Variants in BEST3 observed in about 807,000 individuals in gnomAD.
The protein encoded by BEST3 is bestrophin 3.
BEST3 carries 50 observed loss-of-function variants against 47.1 expected under a neutral mutation model. The ratio of observed to expected loss-of-function variants is 1.06; its 90% CI spans 0.85 to 1.34. The LOEUF (loss-of-function observed/expected upper bound fraction) is 1.34. Among genes scored for constraint, BEST3 ranks in the 40% most tolerant of loss-of-function variants. BEST3 has a pLI of 0.00. For synonymous variants in BEST3, 282 were observed against 298.8 expected, an observed-to-expected ratio of 0.94 and a Z score of 0.58; for missense variants, 765 against 817.0, an observed-to-expected ratio of 0.94 and a Z score of 0.78.
rs1032884613 is a variant in BEST3 at position 69,654,889 on chromosome 12, C to G, written c.*18G>C. Reference sequence around the variant, plus strand: ...GTAAGAATCTAGGCTAGAACCAGGTCCTAGAACTTGGTGGCACTCATTTGG... The same window carrying G: ...GTAAGAATCTAGGCTAGAACCAGGTGCTAGAACTTGGTGGCACTCATTTGG... On this transcript the variant is annotated 3_prime_UTR_variant, in exon 10 of 10. Coordinates refer to ENST00000330891, the MANE Select transcript of BEST3 (RefSeq NM_032735.3). 3.6e-5 allele frequency: 58 copies of G among 1,598,526 alleles called. No individual in the cohort carries two copies. Among genetic ancestry groups the G allele is most frequent in the Non-Finnish European group, 4.9e-5 (57 of 1,170,976 alleles).
At chr12:69,651,644 G>C (rs575732505), downstream of BEST3, among the ~76,000 whole-genome samples, 2 of 151,820 alleles carry the variant, frequency 1.3e-5, no homozygotes, top group African/African-American at 4.8e-5. Context: ...GTGTGATGGC[G>C]GGTCCCTGTA....
At chr12:69,685,681 C>T (rs1053365510) in intron 4 of BEST3, among the ~76,000 whole-genome samples, 4 of 152,216 alleles carry the variant, frequency 2.6e-5, no homozygotes, top group South Asian at 2.1e-4. Context: ...TTCTAGGGAG[C>T]CTGTTTAAAA....
chr12:69,665,764 T>C (rs927799865), intron 9 of BEST3, among the ~76,000 whole-genome samples: 2 of 152,216 alleles, frequency 1.3e-5, no homozygotes, highest in Non-Finnish European at 2.9e-5. Context: ...ATTTACCCCA[T>C]CAATTCAGAC....
In BEST3 at chr12:69,653,985, T is replaced by A; in HGVS notation, c.*922A>T. The A allele has an allele frequency of 1.0e-6, 1 of 985,452 alleles. No homozygotes were observed. The highest frequency in any genetic ancestry group is 1.2e-6 in the Non-Finnish European group (1 of 829,936). 61.0% of individuals were successfully genotyped at this position (985,452 alleles called of 1,614,324 possible). ...TTCTCTTGGCTTCGTTTTTCTCCAG[T>A]GCCCAACACCAAATAGTGGAAGCAG... is the stretch of plus-strand genomic sequence containing the variant. On this transcript the variant is annotated 3_prime_UTR_variant, in exon 10 of 10. Transcript: ENST00000330891.
Position 69,696,235 on chromosome 12 carries a change from G to A in BEST3, c.152+1412C>T, listed in dbSNP as rs187867451. 1.2e-3 allele frequency among the ~76,000 whole-genome samples: 178 copies of A among 152,212 alleles called. 1 individual carries two copies. The highest frequency in any genetic ancestry group is 3.6e-3 in the African/African-American group (150 of 41,554). On this transcript the variant is annotated intron_variant, in intron 2 of 9. Coordinates refer to ENST00000330891, the MANE Select transcript of BEST3 (RefSeq NM_032735.3). The stretch of plus-strand genomic sequence containing the variant: ...AGGATGACTTGAACTGATAATTTTT[G>A]TTATAAATGTAAGCCCTCTGCTTTA...
intron 9 of BEST3, among the ~76,000 whole-genome samples, chr12:69,666,828 C>T (rs185118923): frequency 2.3e-4 from 35 of 152,308 alleles, no homozygotes; most frequent in Admixed American, 4.6e-4. Context: ...TTCACCCTTA[C>T]ACTCTCTCAT....
chr12:69,646,906 C>T (rs7132694), intron 9 of BEST3, among the ~76,000 whole-genome samples: 64,158 of 151,806 alleles, frequency 0.42, 15,391 homozygotes, highest in Middle Eastern at 0.59. Flanking sequence ...TTGAAGATGC[C>T]GCCACTTCCA....
chr12:69,693,245 C>CTTTTTTTTTTTTTTT (rs71094730), intron 4 of BEST3, among the ~76,000 whole-genome samples: 30 of 136,598 alleles, frequency 2.2e-4, no homozygotes, highest in Admixed American at 5.5e-4. Flanking sequence ...CTCTCTCTCT[C>CTTTTTTTTTTTTTTT]TTTTTTTTTT....
chr12:69,682,435 G>A (rs974658689), intron 4 of BEST3, among the ~76,000 whole-genome samples: 5 of 152,158 alleles, frequency 3.3e-5, no homozygotes, highest in Non-Finnish European at 7.3e-5. Context: ...CTGGAGAATG[G>A]TACTCTCCCT....
At chr12:69,673,925 T>C (rs1884739591) in intron 7 of BEST3, among the ~76,000 whole-genome samples, 1 of 152,212 alleles carries the variant, frequency 6.6e-6, no homozygotes, top group Non-Finnish European at 1.5e-5. Context: ...TAATATTTGA[T>C]CAATATTAAA....
chr12:69,669,446 G>A (rs1033688755), intron 9 of BEST3, among the ~76,000 whole-genome samples: 1 of 152,106 alleles, frequency 6.6e-6, no homozygotes, highest in Non-Finnish European at 1.5e-5. Flanking sequence ...CATTTTAGTT[G>A]GAGGACTTCT....
chr12:69,679,329 T>C (rs1351964398), intron 4 of BEST3, among the ~76,000 whole-genome samples: 2 of 152,244 alleles, frequency 1.3e-5, no homozygotes, highest in African/African-American at 2.4e-5. Context: ...ATGACTTTTC[T>C]CCTGATCTCT....
chr12:69,665,234 G>A lies in BEST3; in HGVS notation c.1100+6194C>T, dbSNP rs961238226. The stretch of plus-strand genomic sequence containing the variant: ...TGAAATTCAGTAAAAGGGATGCCAA[G>A]TCACACAGTGGACAGCTCTACAGCG... On this transcript the variant is annotated intron_variant, in intron 9 of 9. Coordinates refer to ENST00000330891, the MANE Select transcript of BEST3 (RefSeq NM_032735.3). 6.1e-5 allele frequency among the ~76,000 whole-genome samples: 9 copies of A among 147,958 alleles called. No individual in the cohort carries two copies. The East Asian group carries it at 8.1e-4, about 13-fold the overall frequency.
chr12:69,688,905 A>G (rs776548336), intron 4 of BEST3, among the ~76,000 whole-genome samples: 8 of 152,150 alleles, frequency 5.3e-5, no homozygotes, highest in African/African-American at 9.7e-5. Flanking sequence ...GTGGGATCCA[A>G]ATTTTTAGCA....
chr12:69,676,655 T>C (rs1884939161), intron 7 of BEST3, among the ~76,000 whole-genome samples: 1 of 152,204 alleles, frequency 6.6e-6, no homozygotes, highest in East Asian at 1.9e-4. Context: ...ATAATCCTAA[T>C]GGGAACACAC....
At chr12:69,698,603 G>A (rs902070192) in intron 1 of BEST3, among the ~76,000 whole-genome samples, 1 of 152,172 alleles carries the variant, frequency 6.6e-6, no homozygotes, top group African/African-American at 2.4e-5. Context: ...AAGGATCTAT[G>A]AGGAGAGTCT....
intron 9 of BEST3, chr12:69,670,161 C>T: frequency 3.3e-6 from 1 of 303,242 alleles, no homozygotes; most frequent in Non-Finnish European, 6.2e-6. Flanking sequence ...GCTGGATGTC[C>T]ATGAAGCTCT....
At position 69,654,496 on chromosome 12, in the gene BEST3, A is replaced by G; in HGVS notation, c.*411T>C. Reference sequence around the variant, plus strand: ...CCTTTCTTTATGGCTAAAGAAAAAAAGAAAGAGAAAAAAGAAGAGAAATAG... The same window carrying G: ...CCTTTCTTTATGGCTAAAGAAAAAAGGAAAGAGAAAAAAGAAGAGAAATAG... On this transcript the variant is annotated 3_prime_UTR_variant, in exon 10 of 10. Coordinates refer to ENST00000330891, the MANE Select transcript of BEST3 (RefSeq NM_032735.3). 1 of 989,328 alleles carries G rather than the reference A, an allele frequency of 1.0e-6. No homozygotes were observed. The highest frequency in any genetic ancestry group is 1.2e-6 in the Non-Finnish European group (1 of 832,670). The allele number at this position is 989,328 out of a possible 1,614,324, so 61.3% of individuals were successfully genotyped here.
At chr12:69,643,647 T>TAAAC in exon 10 of BEST3, 1 of 616,712 alleles carries the variant, frequency 1.6e-6, no homozygotes, top group Admixed American at 2.5e-5. Flanking sequence ...TGTTGGCTTG[T>TAAAC]GTTTAGGAGC....
Sources: gnomAD v4.1 joint callset for allele counts (sites outside exome capture counted in the v4.1 genomes callset) on GRCh38, gnomAD v4.1.1 for gene constraint, MANE v1.5 for transcripts, NCBI Gene and HGNC (gene_info 2026-07-23, HGNC 2026-07-21) for gene names.